The following HNRNPK variants were observed in gnomAD, a reference collection of about 807,000 sequenced individuals.
HNRNPK encodes the protein dC-stretch binding protein.
A neutral mutation model predicts 67.0 loss-of-function variants in HNRNPK; 7 were observed. The observed-to-expected ratio is 0.10, with a 90% CI of 0.06 to 0.20. The LOEUF (loss-of-function observed/expected upper bound fraction) is 0.20. Among genes scored for constraint, HNRNPK ranks in the 10% least tolerant of loss-of-function variants. HNRNPK has a pLI of 1.00. For synonymous variants in HNRNPK, 213 were observed against 193.7 expected, an observed-to-expected ratio of 1.10 and a Z score of -0.83; for missense variants, 264 against 606.5, an observed-to-expected ratio of 0.44 and a Z score of 5.93.
chr9:83,973,800 C>A (rs974179076), intron 8 of HNRNPK, 102 bp downstream of exon 8: 41 of 852,050 alleles, frequency 4.8e-5, no homozygotes, highest in Non-Finnish European at 7.1e-5. Context: ...GTTTTTAAGC[C>A]TTTTTCTATA....
chr9:83,979,393 G>C (rs1330392849), intron 1 of HNRNPK, among the ~76,000 whole-genome samples: 1 of 152,186 alleles, frequency 6.6e-6, no homozygotes, highest in African/African-American at 2.4e-5. Flanking sequence ...AAAACAGCAG[G>C]GCTTATCTGT....
At chr9:83,973,834 TA>T in intron 8 of HNRNPK, 67 bp downstream of exon 8, 1 of 1,191,996 alleles carries the variant, frequency 8.4e-7, no homozygotes, top group Non-Finnish European at 1.2e-6. Flanking sequence ...CACACTATGT[TA>T]AAAATATAAT....
intron 3 of HNRNPK, 111 bp from the exon 4 acceptor site, chr9:83,977,897 G>C: frequency 1.4e-6 from 1 of 693,868 alleles, no homozygotes; most frequent in Non-Finnish European, 2.5e-6. Context: ...AAAGACCAAA[G>C]GCATTGCTAC....
intron 5 of HNRNPK, chr9:83,976,662 T>C (rs1048066636): frequency 2.6e-5 from 5 of 195,378 alleles, no homozygotes; most frequent in African/African-American, 6.9e-5. Context: ...AATACTGTAA[T>C]TGATTCACAC....
rs1304895167 is a variant in HNRNPK at position 83,968,304 on chromosome 9, T to C, written c.*1103A>G. 3.3e-5 allele frequency: 5 copies of C among 152,500 alleles called. No homozygotes were observed. Among genetic ancestry groups the C allele is most frequent in the Non-Finnish European group, 4.4e-5 (3 of 68,008 alleles). The allele number at this position is 152,500 out of a possible 1,614,324, so 9.4% of individuals were successfully genotyped here. On this transcript the variant is annotated 3_prime_UTR_variant, in exon 17 of 17. Coordinates refer to ENST00000376263, the MANE Select transcript of HNRNPK (RefSeq NM_031263.4). ...TTTTTTTTGAATTGTACACAAACAT[T>C]TCCTACATAATCCAACATACAACAG...
chr9:83,970,350 AGTAT>A lies in HNRNPK; in HGVS notation c.1192-23_1192-20del, dbSNP rs776545523. ...CAGCCAACTGAAAAGATTTTTTAAA[AGTAT>A]GTGTTTACGATATACTTTTAACATT... On this transcript the variant is annotated intron_variant, in intron 15 of 16. Coordinates refer to ENST00000376263, the MANE Select transcript of HNRNPK (RefSeq NM_031263.4). 1.9e-6 allele frequency: 3 copies of A among 1,599,392 alleles called. No individual in the cohort carries two copies. Among genetic ancestry groups the A allele is most frequent in the Non-Finnish European group, 2.6e-6 (3 of 1,170,204 alleles).
At chr9:83,974,626 G>C in intron 6 of HNRNPK, 37 bp from the exon 7 acceptor site, 2 of 1,460,358 alleles carry the variant, frequency 1.4e-6, no homozygotes, top group Non-Finnish European at 1.9e-6. Flanking sequence ...GTACAAAAAA[G>C]GTGGAAAAGA....
chr9:83,974,880 T>C (rs993717947), intron 6 of HNRNPK, among the ~76,000 whole-genome samples: 1 of 152,196 alleles, frequency 6.6e-6, no homozygotes, highest in East Asian at 1.9e-4. Flanking sequence ...GAGTTGAATA[T>C]TTATGTTCCC....
Position 83,977,802 on chromosome 9 carries a change from T to A in HNRNPK, c.59-16A>T, listed in dbSNP as rs1957138774. On this transcript the variant is annotated splice_polypyrimidine_tract_variant and intron_variant, in intron 3 of 16. Coordinates refer to ENST00000376263, the MANE Select transcript of HNRNPK (RefSeq NM_031263.4). ...GGGCGTTTACCTAAAAATTAACAGT[T>A]CACATTTCAAAGAAAGCAGCGAAGT... is the stretch of plus-strand genomic sequence containing the variant. 1.3e-6 allele frequency: 2 copies of A among 1,500,024 alleles called. No homozygotes were observed. Among genetic ancestry groups the A allele is most frequent in the Non-Finnish European group, 1.8e-6 (2 of 1,081,790 alleles). The allele number at this position is 1,500,024 out of a possible 1,614,324, so 92.9% of individuals were successfully genotyped here.
In HNRNPK at chr9:83,968,778, C is replaced by T. The variant is rs1479002500; in HGVS notation, c.*629G>A. On this transcript the variant is annotated 3_prime_UTR_variant, in exon 17 of 17. Coordinates refer to ENST00000376263, the MANE Select transcript of HNRNPK (RefSeq NM_031263.4). ...TTTGCCAAGTTATTTTGCCTATGTCCAACAAGAGATGCACTTATATGTCCA... is the reference window on the plus strand; with the variant it reads ...TTTGCCAAGTTATTTTGCCTATGTCTAACAAGAGATGCACTTATATGTCCA... 6.6e-6 allele frequency: 1 copy of T among 152,476 alleles called. No homozygotes were observed. The highest frequency in any genetic ancestry group is 1.5e-5 in the Non-Finnish European group (1 of 68,040). 9.4% of individuals were successfully genotyped at this position (152,476 alleles called of 1,614,324 possible).
At chr9:83,969,483 TCGTAA>T in intron 16 of HNRNPK, 43 bp from the exon 17 acceptor site, 2 of 1,239,700 alleles carry the variant, frequency 1.6e-6, no homozygotes, top group Non-Finnish European at 2.3e-6. Context: ...GAATTTTTGC[TCGTAA>T]CATCTTAATC....
chr9:83,975,612 G>T, intron 5 of HNRNPK, 107 bp from the exon 6 acceptor site: 1 of 938,956 alleles, frequency 1.1e-6, no homozygotes, highest in Non-Finnish European at 1.8e-6. Context: ...TTTGGGCATA[G>T]CCAACCAGGG....
chr9:83,969,307 T>TTA lies in HNRNPK; in HGVS notation c.*99_*100insTA. The TTA allele has an allele frequency of 1.6e-6, 1 of 633,702 alleles. No individual in the cohort carries two copies. Among genetic ancestry groups the TTA allele is most frequent in the South Asian group, 1.8e-5 (1 of 54,632 alleles). The allele number at this position is 633,702 out of a possible 1,614,324, so 39.3% of individuals were successfully genotyped here. The stretch of plus-strand genomic sequence containing the variant: ...TGTTGGCTTTTTAAACAGAAGCAGA[T>TTA]AAAAAAAAAAAGATGCAGGACTCCT... On this transcript the variant is annotated 3_prime_UTR_variant, in exon 17 of 17. Transcript: ENST00000376263.
At position 83,978,227 on chromosome 9, in the gene HNRNPK, G is replaced by C; in HGVS notation, c.26C>G (p.Thr9Ser). ...ACCATTGGTTTCAGTGTTAGGGAAG[G>C]TTTCTTCTGGCTGTTCAGTTTCCAT... METEQPEE[T>S]FPNTETNGEF... Residue 9 changes from threonine (T) to serine (S), a missense_variant, in exon 3 of 17, where the codon ACC becomes AGC. Physicochemically the swap from Thr to Ser is moderately conservative, Grantham distance 58. Coordinates refer to ENST00000376263, the MANE Select transcript of HNRNPK (RefSeq NM_031263.4). 1 of 1,611,684 alleles carries C rather than the reference G, an allele frequency of 6.2e-7. No homozygotes were observed. The highest frequency in any genetic ancestry group is 8.5e-7 in the Non-Finnish European group (1 of 1,178,538).
At position 83,971,997 on chromosome 9, in the gene HNRNPK, A is replaced by C; in HGVS notation, c.838T>G (p.Tyr280Asp). 1 of 1,613,568 alleles carries C rather than the reference A, an allele frequency of 6.2e-7. No individual in the cohort carries two copies. The highest frequency in any genetic ancestry group is 8.5e-7 in the Non-Finnish European group (1 of 1,179,682). ...CCTCGACGAGGGCTCATATCATCATAATCTCTTCTAGATGGAGGCATGGGA... is the reference window on the plus strand; with the variant it reads ...CCTCGACGAGGGCTCATATCATCATCATCTCTTCTAGATGGAGGCATGGGA... ...GRPMPPSRRD[Y>D]DDMSPRRGPP... Residue 280 changes from tyrosine to aspartate, a missense_variant, in exon 11 of 17, where the codon TAT becomes GAT. This residue lies in a region of HNRNPK where 142 missense variants were observed against 256.5 expected (regional missense o/e 0.55). Coordinates refer to ENST00000376263, the MANE Select transcript of HNRNPK (RefSeq NM_031263.4).
At chr9:83,978,504 A>G (rs955701885) in intron 1 of HNRNPK, 52 bp from the exon 2 acceptor site, 2 of 505,628 alleles carry the variant, frequency 4.0e-6, no homozygotes, top group Admixed American at 9.1e-5. Context: ...TTATTACTGA[A>G]TATTTGTTTC....
intron 12 of HNRNPK, 65 bp downstream of exon 12, chr9:83,971,607 A>G: frequency 7.5e-7 from 1 of 1,333,564 alleles, no homozygotes; most frequent in Non-Finnish European, 1.1e-6. Context: ...CCTTCAACAA[A>G]ACGTGAACTA....
Position 83,972,960 on chromosome 9 carries a change from T to C in HNRNPK, c.529A>G (p.Thr177Ala). 1.2e-6 allele frequency: 2 copies of C among 1,606,584 alleles called. No homozygotes were observed. Among genetic ancestry groups the C allele is most frequent in the Non-Finnish European group, 1.7e-6 (2 of 1,174,890 alleles). Reference sequence around the variant, plus strand: ...CAGCATTCCTGGAAAAGCTTGATGGTGGTTTGAGTGTTCTGTAGTAAGATC... The same window carrying C: ...CAGCATTCCTGGAAAAGCTTGATGGCGGTTTGAGTGTTCTGTAGTAAGATC... ...IKELRENTQT[T>A]IKLFQECCPH... The change falls in exon 10 of 17, where the codon ACC becomes GCC. Residue 177 changes from threonine (T) to alanine (A), a missense_variant. Thr to Ala is a moderately conservative substitution (Grantham distance 58). This residue lies in a region of HNRNPK where 18 missense variants were observed against 84.5 expected (regional missense o/e 0.21). Coordinates refer to ENST00000376263, the MANE Select transcript of HNRNPK (RefSeq NM_031263.4).
At chr9:83,969,903 T>C (rs1445455530) in intron 16 of HNRNPK, 2 of 619,170 alleles carry the variant, frequency 3.2e-6, no homozygotes, top group South Asian at 1.5e-5. Context: ...TTTTAACAAG[T>C]GGTTTTGGCA....
Sources: allele counts gnomAD v4.1 joint callset (sites outside exome capture counted in the v4.1 genomes callset), GRCh38; gene constraint gnomAD v4.1.1; regional missense constraint gnomAD v4.1.1; transcripts MANE v1.5; gene names NCBI Gene and HGNC (gene_info 2026-07-23, HGNC 2026-07-21).